The following NR3C1 variants were observed in gnomAD, a reference collection of about 807,000 sequenced individuals.
NR3C1 encodes the protein nuclear receptor subfamily 3 group C member 1, also known as glucocorticoid receptor.
A neutral mutation model predicts 74.0 loss-of-function variants in NR3C1; 14 were observed. The ratio of observed to expected loss-of-function variants is 0.19; its 90% CI spans 0.12 to 0.30. The LOEUF (loss-of-function observed/expected upper bound fraction) is 0.30. Among genes scored for constraint, NR3C1 ranks in the 10% least tolerant of loss-of-function variants. The pLI, the probability that NR3C1 is intolerant of heterozygous loss-of-function variation, is 1.00. For synonymous variants in NR3C1, 308 were observed against 332.5 expected (o/e 0.93, Z 0.80); for missense variants, 695 against 909.8 (o/e 0.76, Z 3.04).
intron 2 of NR3C1, among the ~76,000 whole-genome samples, chr5:143,317,014 A>G (rs1255582671): frequency 6.6e-6 from 1 of 152,218 alleles, no homozygotes; most frequent in Non-Finnish European, 1.5e-5. Context: ...GGCTTTTGGC[A>G]TCCCTTCAGG....
At chr5:143,302,500 C>A (rs563850704) in intron 4 of NR3C1, among the ~76,000 whole-genome samples, 1 of 151,960 alleles carries the variant, frequency 6.6e-6, no homozygotes. Flanking sequence ...TGAAACAGTA[C>A]TTTGACAGCC....
chr5:143,426,059 G>A (rs536879878), intron 1 of NR3C1, among the ~76,000 whole-genome samples: 1 of 151,428 alleles, frequency 6.6e-6, no homozygotes, highest in Admixed American at 6.6e-5. Flanking sequence ...AGTGTGGATC[G>A]ATGCATGCTA....
chr5:143,373,283 A>C (rs1377756229), intron 2 of NR3C1, among the ~76,000 whole-genome samples: 1 of 152,198 alleles, frequency 6.6e-6, no homozygotes, highest in Non-Finnish European at 1.5e-5. Context: ...AGCGTTGTTC[A>C]AAACAGCAAA....
chr5:143,421,765 CT>C (rs1296529723), intron 1 of NR3C1, among the ~76,000 whole-genome samples: 4 of 151,540 alleles, frequency 2.6e-5, no homozygotes, highest in Non-Finnish European at 5.9e-5. Flanking sequence ...GCACTCCAGC[CT>C]GGGTGACAGA....
intron 2 of NR3C1, among the ~76,000 whole-genome samples, chr5:143,342,515 T>C (rs1280490105): frequency 1.3e-5 from 2 of 152,222 alleles, no homozygotes; most frequent in African/African-American, 2.4e-5. Flanking sequence ...ACATTTATTA[T>C]GGAAAAACAT....
intron 3 of NR3C1, among the ~76,000 whole-genome samples, chr5:143,313,258 G>A (rs1021516243): frequency 6.6e-6 from 1 of 152,266 alleles, no homozygotes; most frequent in Non-Finnish European, 1.5e-5. Context: ...GCTATGGAAT[G>A]AATTTCTCAT....
At position 143,281,853 on chromosome 5, in the gene NR3C1, C is replaced by T. The variant is rs761674033; in HGVS notation, c.*36G>A. The T allele has an allele frequency of 2.5e-5, 40 of 1,594,904 alleles. No homozygotes were observed. Among genetic ancestry groups the T allele is most frequent in the South Asian group, 2.4e-4 (22 of 90,596 alleles). On this transcript the variant is annotated 3_prime_UTR_variant, in exon 9 of 9. Transcript: ENST00000394464. ...GTTTATACAATAAAAGCTATTAATT[C>T]GACTTTCTTTAAGGCAACCATTCTT... is the stretch of plus-strand genomic sequence containing the variant.
intron 2 of NR3C1, chr5:143,390,048 G>C (rs868231074): frequency 3.1e-6 from 1 of 321,162 alleles, no homozygotes; most frequent in Non-Finnish European, 4.5e-6. Context: ...TAAGAACTTC[G>C]GCACTAACAG....
chr5:143,328,632 A>G (rs376964547), intron 2 of NR3C1, among the ~76,000 whole-genome samples: 11 of 152,310 alleles, frequency 7.2e-5, no homozygotes, highest in East Asian at 3.9e-4. Flanking sequence ...GTGAATGCAC[A>G]TGACTGAACG....
At chr5:143,373,623 A>AGAC (rs1412889850) in intron 2 of NR3C1, among the ~76,000 whole-genome samples, 1 of 152,202 alleles carries the variant, frequency 6.6e-6, no homozygotes, top group Non-Finnish European at 1.5e-5. Context: ...TAAAAAAAAA[A>AGAC]GACTACATTT....
intron 2 of NR3C1, among the ~76,000 whole-genome samples, chr5:143,394,263 T>C (rs1480194611): frequency 1.3e-5 from 2 of 152,060 alleles, no homozygotes; most frequent in Non-Finnish European, 2.9e-5. Context: ...GGACAAGTGA[T>C]AAAATTCGGG....
At chr5:143,413,222 T>A (rs1379711072) in intron 1 of NR3C1, among the ~76,000 whole-genome samples, 1 of 152,138 alleles carries the variant, frequency 6.6e-6, no homozygotes, top group Non-Finnish European at 1.5e-5. Context: ...TCATCTGGTG[T>A]TTAAGGTTAG....
At chr5:143,404,980 C>T (rs1841004615), upstream of NR3C1, among the ~76,000 whole-genome samples, 1 of 152,186 alleles carries the variant, frequency 6.6e-6, no homozygotes, top group Non-Finnish European at 1.5e-5. Context: ...ACAGATGTTC[C>T]TGTTAGGAGC....
chr5:143,371,943 TAA>T (rs978619528), intron 2 of NR3C1, among the ~76,000 whole-genome samples: 2 of 152,182 alleles, frequency 1.3e-5, no homozygotes, highest in Non-Finnish European at 2.9e-5. Flanking sequence ...CATTTAACAC[TAA>T]AAGAGTAGTC....
chr5:143,422,880 T>C (rs1326356784), intron 1 of NR3C1, among the ~76,000 whole-genome samples: 1 of 152,136 alleles, frequency 6.6e-6, no homozygotes, highest in Non-Finnish European at 1.5e-5. Flanking sequence ...GAATGACTTT[T>C]GTCTTTCTTG....
At chr5:143,312,213 G>A (rs1428289984) in intron 3 of NR3C1, among the ~76,000 whole-genome samples, 1 of 152,090 alleles carries the variant, frequency 6.6e-6, no homozygotes, top group Non-Finnish European at 1.5e-5. Flanking sequence ...AGTGATCTCT[G>A]CCTCCTTGAA....
intron 2 of NR3C1, among the ~76,000 whole-genome samples, chr5:143,386,614 G>A (rs776847621): frequency 6.6e-6 from 1 of 152,156 alleles, no homozygotes; most frequent in Non-Finnish European, 1.5e-5. Flanking sequence ...AAGGGGAGAT[G>A]TGCAGGAAGA....
intron 2 of NR3C1, among the ~76,000 whole-genome samples, chr5:143,376,142 T>G (rs1835151021): frequency 1.3e-5 from 2 of 151,550 alleles, no homozygotes; most frequent in African/African-American, 2.4e-5. Context: ...AAAAAAAAAG[T>G]TGGCATACAC....
chr5:143,350,041 G>A (rs1317455669), intron 2 of NR3C1, among the ~76,000 whole-genome samples: 4 of 152,102 alleles, frequency 2.6e-5, no homozygotes, highest in Admixed American at 2.6e-4. Flanking sequence ...AAGACACAGA[G>A]CCAAGAAAGA....
Sources: allele counts gnomAD v4.1 joint callset (sites outside exome capture counted in the v4.1 genomes callset), GRCh38; gene constraint gnomAD v4.1.1; transcripts MANE v1.5; gene names NCBI Gene and HGNC (gene_info 2026-07-23, HGNC 2026-07-21).